Variants in C13orf46 observed in about 807,000 individuals in gnomAD.
C13orf46 encodes the protein uncharacterized protein C13orf46.
At chr13:113,928,324 AGGAGGGGCGGGGCTGCGCAGGGCGCCTGT>A in the C13orf46 span, 1 of 152,374 alleles carries the variant, frequency 6.6e-6, no homozygotes, top group African/African-American at 2.4e-5. Context: ...CCTTTGCCCC[AGGAGGGGCGGGGCTGCGCAGGGCGCCTGT>A]GGAGGCCGTG....
At chr13:113,948,747 A>C (rs1297236859), downstream of C13orf46, among the ~76,000 whole-genome samples, 1 of 152,212 alleles carries the variant, frequency 6.6e-6, no homozygotes, top group Non-Finnish European at 1.5e-5. Flanking sequence ...TATCACCTAA[A>C]ACTACAAAAC....
At chr13:113,973,135 A>G (rs1440692382) in intron 1 of C13orf46, among the ~76,000 whole-genome samples, 1 of 152,184 alleles carries the variant, frequency 6.6e-6, no homozygotes, top group Admixed American at 6.5e-5. Context: ...TGTCAGACAA[A>G]CCTGCCTCCC....
intron 6 of C13orf46, among the ~76,000 whole-genome samples, chr13:113,963,854 T>C (rs2052612650): frequency 3.3e-5 from 5 of 152,298 alleles, no homozygotes; most frequent in Admixed American, 3.3e-4. Flanking sequence ...AATGTAACTG[T>C]TGTTTGTTTG....
chr13:113,935,570 T>G, the C13orf46 span, among the ~76,000 whole-genome samples: 1 of 152,218 alleles, frequency 6.6e-6, no homozygotes, highest in Non-Finnish European at 1.5e-5. Context: ...ACATTCTTCC[T>G]CTTTAATGAG....
intron 1 of C13orf46, among the ~76,000 whole-genome samples, chr13:113,971,593 C>T (rs998051795): frequency 4.6e-5 from 7 of 152,216 alleles, no homozygotes; most frequent in South Asian, 2.1e-4. Flanking sequence ...TCCTGTGCTC[C>T]GCATGGCCCA....
At chr13:113,931,586 G>A in the C13orf46 span, among the ~76,000 whole-genome samples, 1,065 of 152,274 alleles carry the variant, frequency 7.0e-3, 10 homozygotes, top group African/African-American at 0.024. Context: ...GAAGTAACTC[G>A]CAAGCAGCAT....
At chr13:113,939,666 C>G in the C13orf46 span, among the ~76,000 whole-genome samples, 5 of 152,180 alleles carry the variant, frequency 3.3e-5, no homozygotes, top group Non-Finnish European at 7.4e-5. Context: ...GGCACAGACC[C>G]GTTTCTCACC....
the C13orf46 span, among the ~76,000 whole-genome samples, chr13:113,941,567 CTG>C: frequency 6.6e-6 from 1 of 152,194 alleles, no homozygotes; most frequent in African/African-American, 2.4e-5. Flanking sequence ...CTCTGGGACT[CTG>C]TGTGTGAGGC....
chr13:113,947,153 C>A, the C13orf46 span, among the ~76,000 whole-genome samples: 2 of 152,210 alleles, frequency 1.3e-5, no homozygotes, highest in Non-Finnish European at 2.9e-5. Context: ...CTGGAAAAGG[C>A]ACATCAGAGC....
At chr13:113,965,735 AGGTGATGATGGTGATGATGGTGAT>A (rs1267585609) in intron 5 of C13orf46, among the ~76,000 whole-genome samples, 2 of 75,946 alleles carry the variant, frequency 2.6e-5, no homozygotes, top group Admixed American at 1.3e-4. Context: ...ATGATGGTGA[AGGTGATGATGGTGATGATGGTGAT>A]GGTGATGATG....
At chr13:113,972,362 CAT>C (rs2052716576) in intron 1 of C13orf46, among the ~76,000 whole-genome samples, 1 of 152,230 alleles carries the variant, frequency 6.6e-6, no homozygotes, top group Admixed American at 6.5e-5. Flanking sequence ...GAGAAGAACA[CAT>C]ATTTTTACAT....
chr13:113,961,365 C>T (rs967308395), intron 6 of C13orf46, among the ~76,000 whole-genome samples: 32 of 151,526 alleles, frequency 2.1e-4, no homozygotes, highest in South Asian at 4.2e-4. Flanking sequence ...GCATGTTATC[C>T]GTGTGAATAT....
chr13:113,929,307 G>A, the C13orf46 span, among the ~76,000 whole-genome samples: 1 of 152,268 alleles, frequency 6.6e-6, no homozygotes, highest in African/African-American at 2.4e-5. Flanking sequence ...CTGCAGAGCA[G>A]GTGGTGGTGG....
chr13:113,961,014 C>T (rs1224677135), intron 6 of C13orf46, among the ~76,000 whole-genome samples: 1 of 152,196 alleles, frequency 6.6e-6, no homozygotes, highest in Non-Finnish European at 1.5e-5. Flanking sequence ...ATGTAACTTC[C>T]TAAATTGCCT....
At chr13:113,936,970 G>A in the C13orf46 span, among the ~76,000 whole-genome samples, 1 of 152,196 alleles carries the variant, frequency 6.6e-6, no homozygotes, top group Non-Finnish European at 1.5e-5. Context: ...CATTTTAGCA[G>A]AATTCAGGCT....
At chr13:113,937,295 C>T in the C13orf46 span, among the ~76,000 whole-genome samples, 28 of 152,192 alleles carry the variant, frequency 1.8e-4, no homozygotes, top group African/African-American at 6.3e-4. Context: ...ACCGTGGTCA[C>T]GCCACAGCCA....
the C13orf46 span, among the ~76,000 whole-genome samples, chr13:113,948,382 A>G: frequency 6.6e-6 from 1 of 152,226 alleles, no homozygotes; most frequent in Non-Finnish European, 1.5e-5. Flanking sequence ...GCTTTGACCA[A>G]AACAAGTGGT....
intron 6 of C13orf46, among the ~76,000 whole-genome samples, chr13:113,962,455 G>T (rs973813571): frequency 3.3e-5 from 5 of 152,206 alleles, no homozygotes; most frequent in Non-Finnish European, 5.9e-5. Flanking sequence ...CAATGAACAC[G>T]CAAGTGTGCA....
At chr13:113,930,046 T>C in the C13orf46 span, among the ~76,000 whole-genome samples, 1 of 152,166 alleles carries the variant, frequency 6.6e-6, no homozygotes, top group Non-Finnish European at 1.5e-5. Flanking sequence ...CTCTGGTGCT[T>C]TTATGCCACG....
Sources: allele counts gnomAD v4.1 joint callset (sites outside exome capture counted in the v4.1 genomes callset), GRCh38; gene constraint gnomAD v4.1.1; transcripts MANE v1.5; gene names NCBI Gene and HGNC (gene_info 2026-07-23, HGNC 2026-07-21).